The following CAST variants were observed in gnomAD, a reference collection of about 807,000 sequenced individuals.
CAST encodes the protein calpastatin.
Under a neutral mutation model 119.6 loss-of-function variants are expected in CAST, and 76 were observed. That is an observed-to-expected ratio of 0.64 (90% confidence interval 0.53 to 0.77). The LOEUF is 0.77. CAST is among the 30% of genes least tolerant of loss of function. The probability of loss-of-function intolerance (pLI) is 0.00; values close to 1 mark genes in which losing one functional copy is unlikely to be tolerated. For synonymous variants in CAST, 319 were observed against 331.6 expected, an observed-to-expected ratio of 0.96 and a Z score of 0.41; for missense variants, 953 against 946.5, an observed-to-expected ratio of 1.01 and a Z score of -0.09.
the CAST span, among the ~76,000 whole-genome samples, chr5:96,062,035 C>T: frequency 6.6e-6 from 1 of 152,064 alleles, no homozygotes; most frequent in Non-Finnish European, 1.5e-5. Context: ...TTACACTGGA[C>T]CCTTTTCACC....
chr5:96,300,110 G>A, the CAST span, among the ~76,000 whole-genome samples: 1 of 151,946 alleles, frequency 6.6e-6, no homozygotes, highest in Non-Finnish European at 1.5e-5. Flanking sequence ...TTATTTTGTT[G>A]TAATCTCATT....
At chr5:96,025,303 T>C in the CAST span, among the ~76,000 whole-genome samples, 1 of 152,162 alleles carries the variant, frequency 6.6e-6, no homozygotes, top group Non-Finnish European at 1.5e-5. Flanking sequence ...CGTCTTCTCT[T>C]ATCCTCACCT....
chr5:96,729,219 TATC>T lies in CAST; in HGVS notation c.435+15_435+17del. On this transcript the variant is annotated intron_variant, in intron 7 of 31. Coordinates refer to ENST00000675179, the MANE Select transcript of CAST (RefSeq NM_001750.7). ...AAAAGAACACACAGAGGTAAATGAT[TATC>T]ATCAGGACTTAATTATAAGGCAACC... The T allele has an allele frequency of 6.6e-7, 1 of 1,516,316 alleles. No individual in the cohort carries two copies. Among genetic ancestry groups the T allele is most frequent in the Non-Finnish European group, 9.1e-7 (1 of 1,093,814 alleles). 93.9% of individuals were successfully genotyped at this position (1,516,316 alleles called of 1,614,324 possible).
At chr5:96,715,162 A>G (rs1756979698) in intron 3 of CAST, 1 of 152,208 alleles carries the variant, frequency 6.6e-6, no homozygotes, top group African/African-American at 2.4e-5. Context: ...CTTGTAATGT[A>G]TTTTATGAAT....
the CAST span, among the ~76,000 whole-genome samples, chr5:95,998,087 A>G: frequency 6.7e-6 from 1 of 149,916 alleles, no homozygotes; most frequent in Non-Finnish European, 1.5e-5. Context: ...GGATCTTCTC[A>G]AGGGTTATAT....
the CAST span, among the ~76,000 whole-genome samples, chr5:96,401,989 C>T: frequency 6.6e-6 from 1 of 152,158 alleles, no homozygotes; most frequent in South Asian, 2.1e-4. Context: ...CTGTATTGTT[C>T]CCTGAAGCCA....
At chr5:96,428,288 G>A in the CAST span, among the ~76,000 whole-genome samples, 1 of 152,150 alleles carries the variant, frequency 6.6e-6, no homozygotes, top group African/African-American at 2.4e-5. Flanking sequence ...TTGAAAGGAT[G>A]TTTTTAATCC....
At chr5:95,990,813 A>T in the CAST span, among the ~76,000 whole-genome samples, 3 of 152,102 alleles carry the variant, frequency 2.0e-5, no homozygotes, top group Non-Finnish European at 2.9e-5. Context: ...ATCATAGCTC[A>T]CTATAGCCTT....
chr5:96,551,276 G>A (rs1165007677), intron 1 of CAST, among the ~76,000 whole-genome samples: 3 of 152,164 alleles, frequency 2.0e-5, no homozygotes, highest in African/African-American at 7.2e-5. Context: ...CATTCTTAAA[G>A]AAAAGAATTT....
the CAST span, among the ~76,000 whole-genome samples, chr5:96,444,469 A>G: frequency 6.6e-6 from 1 of 152,208 alleles, no homozygotes; most frequent in African/African-American, 2.4e-5. Flanking sequence ...CTGTAATTTT[A>G]AATATCCTCT....
the CAST span, among the ~76,000 whole-genome samples, chr5:96,254,017 G>A: frequency 1.4e-5 from 2 of 138,074 alleles, no homozygotes; most frequent in Non-Finnish European, 3.2e-5. Flanking sequence ...CATTCCTTGG[G>A]ATTGGGGTGG....
chr5:96,212,362 T>C, the CAST span, among the ~76,000 whole-genome samples: 3,181 of 152,312 alleles, frequency 0.021, 125 homozygotes, highest in African/African-American at 0.074. Context: ...AACTTCCTCT[T>C]TGATCCATGG....
intron 16 of CAST, chr5:96,743,446 A>G (rs551624048): frequency 1.3e-5 from 9 of 694,538 alleles, no homozygotes; most frequent in South Asian, 8.4e-5. Context: ...GGAGATGGAA[A>G]GGTAGCCTGG....
At chr5:96,434,607 GT>G in the CAST span, among the ~76,000 whole-genome samples, 320 of 147,330 alleles carry the variant, frequency 2.2e-3, no homozygotes, top group African/African-American at 4.9e-3. Flanking sequence ...TGGGAAGTTT[GT>G]TTTTTTTTTT....
chr5:96,428,882 C>T, the CAST span, among the ~76,000 whole-genome samples: 534 of 152,148 alleles, frequency 3.5e-3, 1 homozygote, highest in African/African-American at 0.012. Context: ...TTTATTAGTG[C>T]TGCCCTCTCA....
the CAST span, among the ~76,000 whole-genome samples, chr5:96,198,686 C>G: frequency 6.6e-6 from 1 of 152,038 alleles, no homozygotes; most frequent in Non-Finnish European, 1.5e-5. Context: ...TTTTCATACA[C>G]AAACTAATCA....
the CAST span, chr5:96,393,479 G>A: frequency 7.5e-7 from 1 of 1,339,452 alleles, no homozygotes; most frequent in East Asian, 2.4e-5. Context: ...TGCCGCTTGA[G>A]AGGCAATGAG....
chr5:96,319,387 T>C, the CAST span, among the ~76,000 whole-genome samples: 397 of 152,282 alleles, frequency 2.6e-3, no homozygotes, highest in Non-Finnish European at 4.3e-3. Context: ...TTGCAGATGA[T>C]GAAAATGAAA....
At chr5:96,322,295 C>T in the CAST span, among the ~76,000 whole-genome samples, 85 of 152,170 alleles carry the variant, frequency 5.6e-4, no homozygotes, top group Non-Finnish European at 9.7e-4. Context: ...GAGGCTGGTA[C>T]GCTGTGTAAG....
Sources: allele counts gnomAD v4.1 joint callset (sites outside exome capture counted in the v4.1 genomes callset), GRCh38; gene constraint gnomAD v4.1.1; transcripts MANE v1.5; gene names NCBI Gene and HGNC (gene_info 2026-07-23, HGNC 2026-07-21).